The following MTM1 variants were observed in gnomAD, a reference collection of about 807,000 sequenced individuals.
The protein encoded by MTM1 is myotubularin 1.
MTM1 carries 9 observed loss-of-function variants against 52.1 expected under a neutral mutation model. That is an observed-to-expected ratio of 0.17 (90% confidence interval 0.10 to 0.30). The LOEUF (loss-of-function observed/expected upper bound fraction) is 0.30, where lower values mean the gene tolerates loss of function less well. Ranked by LOEUF, MTM1 falls within the 10% of genes least tolerant of loss-of-function variation. MTM1 has a pLI of 1.00. For missense variants in MTM1, 277 were observed against 470.7 expected (o/e 0.59, Z 3.81); for synonymous variants, 136 against 163.8 (o/e 0.83, Z 1.29).
At chrX:150,654,264 C>T (rs2040075232) in intron 10 of MTM1, among the ~76,000 whole-genome samples, 1 of 111,302 alleles carries the variant, frequency 9.0e-6, no homozygotes, top group African/African-American at 3.3e-5. Flanking sequence ...AGATTGAGTC[C>T]TTTTTATATT....
intron 10 of MTM1, among the ~76,000 whole-genome samples, chrX:150,651,006 C>T (rs1557414177): frequency 9.0e-6 from 1 of 111,469 alleles, no homozygotes; most frequent in Non-Finnish European, 1.9e-5. Flanking sequence ...CATCCTTCCA[C>T]TTTCTTCAAG....
intron 1 of MTM1, among the ~76,000 whole-genome samples, chrX:150,574,617 A>C (rs1404015411): frequency 8.9e-6 from 1 of 112,533 alleles, no homozygotes; most frequent in African/African-American, 3.2e-5. Flanking sequence ...TGTGTCATCG[A>C]CATAATAATG....
chrX:150,664,417 T>G (rs2040272338), intron 14 of MTM1, among the ~76,000 whole-genome samples: 2 of 112,834 alleles, frequency 1.8e-5, no homozygotes, highest in Admixed American at 1.9e-4. Context: ...CTGTGGCCTC[T>G]CTCTCAGATT....
At chrX:150,583,478 TA>T (rs1337274669) in intron 1 of MTM1, among the ~76,000 whole-genome samples, 1 of 34,767 alleles carries the variant, frequency 2.9e-5, no homozygotes, top group African/African-American at 1.2e-4. Flanking sequence ...ATATATAAAT[TA>T]TATATATTAT....
intron 6 of MTM1, among the ~76,000 whole-genome samples, chrX:150,637,659 A>G (rs1372414400): frequency 2.7e-5 from 3 of 112,105 alleles, no homozygotes; most frequent in Non-Finnish European, 5.6e-5. Flanking sequence ...AGGGTGTCGG[A>G]GAAGGTCTTA....
intron 13 of MTM1, among the ~76,000 whole-genome samples, chrX:150,662,759 T>C (rs1464326169): frequency 1.1e-5 from 1 of 93,895 alleles, no homozygotes; most frequent in Non-Finnish European, 2.0e-5. Flanking sequence ...CTTGTATTTT[T>C]ATTTCCCTAG....
chrX:150,667,903 G>A (rs1261964071), intron 14 of MTM1, among the ~76,000 whole-genome samples: 1 of 112,338 alleles, frequency 8.9e-6, no homozygotes, highest in Non-Finnish European at 1.9e-5. Context: ...AAAGGACAGC[G>A]ACCCACAGCC....
At chrX:150,581,441 A>G (rs1220045443) in intron 1 of MTM1, among the ~76,000 whole-genome samples, 1 of 111,640 alleles carries the variant, frequency 9.0e-6, no homozygotes, top group Non-Finnish European at 1.9e-5. Flanking sequence ...TCTCCTTTTA[A>G]AAGATAGTTT....
chrX:150,574,425 A>C (rs2038434177), intron 1 of MTM1, among the ~76,000 whole-genome samples: 1 of 111,181 alleles, frequency 9.0e-6, no homozygotes, highest in Non-Finnish European at 1.9e-5. Context: ...TTTTGCAGTA[A>C]ATTAAAGTTC....
rs34042424 is a variant in MTM1, at chrX:150,631,667, CAAAAAAAA to C, written c.445-7258_445-7251del. ...GACAGAATGAGTGAGACTCCATCTCCAAAAAAAAAAAAAAAAAAAAAAAAACAAATAAA... is the reference window on the plus strand; with the variant it reads ...GACAGAATGAGTGAGACTCCATCTCCAAAAAAAAAAAAAAAAACAAATAAA... On this transcript the variant is annotated intron_variant, in intron 6 of 14. Coordinates refer to ENST00000370396, the MANE Select transcript of MTM1 (RefSeq NM_000252.3). Among the ~76,000 whole-genome samples the C allele has an allele frequency of 5.3e-3, 188 of 35,462 alleles. 2 individuals carry two copies. Among genetic ancestry groups the C allele is most frequent in the Admixed American group, 0.011 (22 of 2,040 alleles). 30.8% of individuals were successfully genotyped at this position (35,462 alleles called of 115,157 possible).
upstream of MTM1, among the ~76,000 whole-genome samples, chrX:150,566,229 G>A (rs971645197): frequency 9.0e-6 from 1 of 111,371 alleles, no homozygotes; most frequent in Non-Finnish European, 1.9e-5. Flanking sequence ...TTCACCACCC[G>A]GGTTCAAGTA....
At chrX:150,639,085 G>A (rs2039805016) in intron 7 of MTM1, 59 bp downstream of exon 7, 15 of 901,121 alleles carry the variant, frequency 1.7e-5, no homozygotes, top group East Asian at 6.2e-5. Context: ...CATTATGACA[G>A]TATGTCATCA....
At chrX:150,669,023 C>T (rs1179994556) in intron 14 of MTM1, among the ~76,000 whole-genome samples, 1 of 110,637 alleles carries the variant, frequency 9.0e-6, no homozygotes, top group African/African-American at 3.3e-5. Context: ...TCTAAGTTCC[C>T]TCCCCTCACC....
In MTM1 at chrX:150,639,117, C is replaced by T. The variant is rs961145136; in HGVS notation, c.528+91C>T. The stretch of plus-strand genomic sequence containing the variant: ...ATCAGCCATGCTTTCTGAAAATCAG[C>T]GACATCCTTGCTAAATATCTTTTCA... On this transcript the variant is annotated intron_variant, in intron 7 of 14. Transcript: ENST00000370396. 83 of 727,981 alleles carry T rather than the reference C, an allele frequency of 1.1e-4. No individual in the cohort carries two copies. In the Admixed American group the frequency reaches 1.3e-3, roughly 11 times the overall value. The allele number at this position is 727,981 out of a possible 1,213,427, so 60.0% of individuals were successfully genotyped here. A position where few individuals can be genotyped will look rare whatever the true frequency, so the allele number is the denominator to read the frequency against.
upstream of MTM1, among the ~76,000 whole-genome samples, chrX:150,565,608 G>T (rs1603076682): frequency 9.0e-6 from 1 of 111,006 alleles, no homozygotes; most frequent in Non-Finnish European, 1.9e-5. Context: ...GCTCGGGCCT[G>T]CTTCTTATCT....
chrX:150,667,187 C>T (rs2040318370), intron 14 of MTM1, among the ~76,000 whole-genome samples: 1 of 111,897 alleles, frequency 8.9e-6, no homozygotes, highest in South Asian at 3.8e-4. Context: ...CCACCCCACC[C>T]CTTACCTCTG....
chrX:150,606,904 G>C (rs112311068), intron 4 of MTM1, among the ~76,000 whole-genome samples: 98 of 34,822 alleles, frequency 2.8e-3, no homozygotes, highest in East Asian at 4.7e-3. Context: ...TCCCTTCCCT[G>C]GGTTCCCTCC....
At position 150,588,741 on chromosome X, in the gene MTM1, C is replaced by T. The variant is rs782465860; in HGVS notation, c.-10-3864C>T. 2.2e-3 allele frequency among the ~76,000 whole-genome samples: 244 copies of T among 111,453 alleles called. 2 individuals are homozygous for T. Among genetic ancestry groups the T allele is most frequent in the African/African-American group, 7.4e-3 (227 of 30,607 alleles). The stretch of plus-strand genomic sequence containing the variant: ...AGCATTACTCAAATTATTTTCAGTG[C>T]AAATCGTTTCAAAGGGGTACAAGTT... On this transcript the variant is annotated intron_variant, in intron 1 of 14. Coordinates refer to ENST00000370396, the MANE Select transcript of MTM1 (RefSeq NM_000252.3).
chrX:150,578,828 T>A (rs2148402772), intron 1 of MTM1, among the ~76,000 whole-genome samples: 1 of 109,824 alleles, frequency 9.1e-6, no homozygotes, highest in African/African-American at 3.3e-5. Context: ...ACTGCAACTT[T>A]TTTTTTTTTT....
Sources: allele counts gnomAD v4.1 joint callset (sites outside exome capture counted in the v4.1 genomes callset), GRCh38; gene constraint gnomAD v4.1.1; transcripts MANE v1.5; gene names NCBI Gene and HGNC (gene_info 2026-07-23, HGNC 2026-07-21).